F8: variants seen among roughly 807,000 people sequenced by gnomAD.
The protein encoded by F8 is coagulation factor VIII, also known as antihemophilic factor.
In F8, 12 loss-of-function variants were observed where a neutral mutation model predicts 140.6. The observed-to-expected ratio is 0.09, with a 90% CI of 0.05 to 0.14. The LOEUF (loss-of-function observed/expected upper bound fraction) is 0.14. Ranked by LOEUF, F8 falls within the 10% of genes least tolerant of loss-of-function variation. The pLI is 1.00. For missense variants in F8, 1,354 were observed against 1,720.7 expected (o/e 0.79, Z 3.77); for synonymous variants, 585 against 614.6 (o/e 0.95, Z 0.71).
intron 25 of F8, among the ~76,000 whole-genome samples, chrX:154,858,676 C>T (rs1467267436): frequency 2.7e-5 from 3 of 112,316 alleles, no homozygotes; most frequent in Non-Finnish European, 5.6e-5. Context: ...GAACCACAAT[C>T]AGCTGAGATG....
Position 154,942,353 on chromosome X carries a change from G to A in F8, c.2113+5345C>T, listed in dbSNP as rs1557279874. Among the ~76,000 whole-genome samples the A allele has an allele frequency of 3.6e-5, 4 of 110,604 alleles. No individual in the cohort carries two copies. In the East Asian group the frequency reaches 1.1e-3, roughly 31 times the overall value. On this transcript the variant is annotated intron_variant, in intron 13 of 25. Coordinates refer to ENST00000360256, the MANE Select transcript of F8 (RefSeq NM_000132.4). The stretch of plus-strand genomic sequence containing the variant: ...AGGGGATATCACCACCAATCCCACA[G>A]AAATACAAACTACCATCAGAGAATA...
rs191837716 is a variant in F8, at chrX:154,943,994, C to T, written c.2113+3704G>A. Among the ~76,000 whole-genome samples, 9 of 111,805 alleles carry T rather than the reference C, an allele frequency of 8.0e-5. No individual in the cohort carries two copies. The East Asian group carries it at 2.5e-3, about 31-fold the overall frequency. Reference sequence around the variant, plus strand: ...TAGAAAGCTGAAACTGGAACCCTTCCTTACACCTTATACTAAAATTAATTC... The same window carrying T: ...TAGAAAGCTGAAACTGGAACCCTTCTTTACACCTTATACTAAAATTAATTC... On this transcript the variant is annotated intron_variant, in intron 13 of 25. Coordinates refer to ENST00000360256, the MANE Select transcript of F8 (RefSeq NM_000132.4).
intron 25 of F8, among the ~76,000 whole-genome samples, chrX:154,848,349 GCTGT>G (rs1203272904): frequency 3.3e-4 from 37 of 112,884 alleles, no homozygotes; most frequent in Non-Finnish European, 5.3e-4. Flanking sequence ...AGAGGTTACT[GCTGT>G]CTTTTTGTTT....
chrX:154,915,306 T>G (rs1194834214), intron 14 of F8, among the ~76,000 whole-genome samples: 1 of 112,137 alleles, frequency 8.9e-6, no homozygotes, highest in Non-Finnish European at 1.9e-5. Flanking sequence ...CCAAACCATA[T>G]CTGGGTCTTT....
At chrX:154,905,448 T>C (rs1168283740) in intron 15 of F8, among the ~76,000 whole-genome samples, 3 of 111,991 alleles carry the variant, frequency 2.7e-5, no homozygotes, top group African/African-American at 9.7e-5. Flanking sequence ...TAGAATATAA[T>C]GGAAAGTAAA....
chrX:154,890,602 A>G (rs1360289116), intron 22 of F8, among the ~76,000 whole-genome samples: 2 of 112,363 alleles, frequency 1.8e-5, no homozygotes, highest in Non-Finnish European at 3.8e-5. Context: ...ACAGAAGGGA[A>G]AAAAGGAGAA....
At chrX:154,915,064 G>A (rs782073948) in intron 14 of F8, among the ~76,000 whole-genome samples, 24 of 112,031 alleles carry the variant, frequency 2.1e-4, no homozygotes, top group South Asian at 7.5e-4. Flanking sequence ...GGTGGAAGGC[G>A]TAGGGGAAGC....
intron 22 of F8, among the ~76,000 whole-genome samples, chrX:154,878,428 CAAAA>C (rs57418004): frequency 3.4e-4 from 9 of 26,742 alleles, no homozygotes; most frequent in African/African-American, 9.5e-4. Flanking sequence ...TTTTCATGAC[CAAAA>C]AAAAAAAAAA....
chrX:154,946,049 T>C (rs2073302259), intron 13 of F8, among the ~76,000 whole-genome samples: 1 of 111,734 alleles, frequency 8.9e-6, no homozygotes, highest in South Asian at 3.7e-4. Flanking sequence ...GATATCTCTA[T>C]AATGAAAACT....
chrX:154,928,694 T>A lies in F8; in HGVS notation c.5096A>T (p.Tyr1699Phe), dbSNP rs28935203. 1 of 1,209,651 alleles carries A rather than the reference T, an allele frequency of 8.3e-7. No homozygotes were observed. Among genetic ancestry groups the A allele is most frequent in the Non-Finnish European group, 1.1e-6 (1 of 894,653 alleles). The change falls in exon 14 of 26, where the codon TAT becomes TTT. Residue 1699 changes from tyrosine (Y) to phenylalanine (F), a missense_variant. Tyr to Phe is a conservative substitution (Grantham distance 22). Around this residue, in one of 4 missense-constraint regions of F8, gnomAD observed 658 missense variants for 666.5 expected, o/e 0.99. Coordinates refer to ENST00000360256, the MANE Select transcript of F8 (RefSeq NM_000132.4). The part of the protein sequence containing the change: ...VEMKKEDFDI[Y>F]DEDENQSPRS... ...GGGGCTCTGATTTTCATCCTCATCA[T>A]AAATGTCAAAATCTTCCTTCTTCAT...
At chrX:154,958,111 A>G (rs2073374892) in intron 10 of F8, among the ~76,000 whole-genome samples, 1 of 110,881 alleles carries the variant, frequency 9.0e-6, no homozygotes, top group Non-Finnish European at 1.9e-5. Flanking sequence ...TGGTCTTTTC[A>G]TAGGACACAT....
At position 154,969,470 on chromosome X, in the gene F8, G is replaced by A. The variant is rs919840281; in HGVS notation, c.870C>T (p.Leu290=). The change falls in exon 7 of 26, where the codon CTC becomes CTT. Residue 290 remains leucine, a synonymous_variant. Transcript: ENST00000360256. Reference sequence around the variant, plus strand: ...TCCTCACAAGAAATGTGTGACCTTCGAGGAATATTGAGTGCACTTCAGGAG... The same window carrying A: ...TCCTCACAAGAAATGTGTGACCTTCAAGGAATATTGAGTGCACTTCAGGAG... ...GTTPEVHSIF[L]EGHTFLVRNH... is the part of the protein sequence containing the mutation. The A allele has an allele frequency of 2.5e-6, 3 of 1,211,001 alleles. No individual in the cohort carries two copies. The South Asian group carries it at 5.3e-5, about 21-fold the overall frequency.
intron 23 of F8, 51 bp downstream of exon 23, chrX:154,863,032 C>T (rs1321994042): frequency 8.5e-7 from 1 of 1,171,550 alleles, no homozygotes; most frequent in African/African-American, 1.8e-5. Context: ...AACAGTTAGT[C>T]ACCCTACCCA....
intron 6 of F8, among the ~76,000 whole-genome samples, chrX:154,983,036 G>A (rs781819666): frequency 8.9e-6 from 1 of 112,201 alleles, no homozygotes; most frequent in East Asian, 2.8e-4. Context: ...ATTTTTGACT[G>A]TGCAGGGGGT....
intron 6 of F8, among the ~76,000 whole-genome samples, chrX:154,982,373 G>C (rs1159224501): frequency 2.0e-5 from 2 of 99,980 alleles, no homozygotes; most frequent in Admixed American, 2.2e-4. Context: ...CGTGAACCCC[G>C]GGGGGCAGAG....
intron 22 of F8, among the ~76,000 whole-genome samples, chrX:154,871,069 C>T (rs1557273550): frequency 8.9e-6 from 1 of 112,313 alleles, no homozygotes; most frequent in East Asian, 2.8e-4. Flanking sequence ...AATGGAAAAA[C>T]ATTCCATGCT....
intron 22 of F8, among the ~76,000 whole-genome samples, chrX:154,867,041 G>A (rs2072736662): frequency 9.0e-6 from 1 of 111,524 alleles, no homozygotes; most frequent in Non-Finnish European, 1.9e-5. Flanking sequence ...CACAGAAACA[G>A]ACAGAACCAT....
chrX:154,958,880 T>G (rs1229523311), intron 10 of F8, among the ~76,000 whole-genome samples: 1 of 111,539 alleles, frequency 9.0e-6, no homozygotes, highest in African/African-American at 3.3e-5. Context: ...CCTCCCAAAG[T>G]GCTGGGATTA....
At chrX:154,935,416 G>C (rs1266888350) in intron 13 of F8, among the ~76,000 whole-genome samples, 1 of 111,691 alleles carries the variant, frequency 9.0e-6, no homozygotes, top group Admixed American at 9.5e-5. Context: ...AGGGTGTCAA[G>C]ATGACTTAAT....
Sources: allele counts gnomAD v4.1 joint callset (sites outside exome capture counted in the v4.1 genomes callset), GRCh38; gene constraint gnomAD v4.1.1; regional missense constraint gnomAD v4.1.1; transcripts MANE v1.5; gene names NCBI Gene and HGNC (gene_info 2026-07-23, HGNC 2026-07-21).